ZMIZ1: variants seen among roughly 807,000 people sequenced by gnomAD.
ZMIZ1 encodes zinc finger MIZ domain-containing protein 1.
Under a neutral mutation model 113.9 loss-of-function variants are expected in ZMIZ1, and 17 were observed. The ratio of observed to expected loss-of-function variants is 0.15; its 90% confidence interval spans 0.10 to 0.22. The LOEUF is 0.22. ZMIZ1 is among the 10% of genes least tolerant of loss of function. The pLI is 1.00. For synonymous variants in ZMIZ1, 607 were observed against 603.1 expected (o/e 1.01, Z -0.09); for missense variants, 1,059 against 1,477.8 (o/e 0.72, Z 4.65).
intron 7 of ZMIZ1, among the ~76,000 whole-genome samples, chr10:79,228,731 G>T (rs1412619117): frequency 6.6e-6 from 1 of 152,226 alleles, no homozygotes; most frequent in Non-Finnish European, 1.5e-5. Context: ...CTGAGTCAGG[G>T]CCAGCTAGCT....
intron 9 of ZMIZ1, 30 bp from the exon 10 acceptor site, chr10:79,290,929 C>CTTTTT (rs758780604): frequency 1.2e-6 from 2 of 1,609,588 alleles, no homozygotes; most frequent in South Asian, 2.2e-5. Context: ...CGGGTAGCAC[C>CTTTTT]TTAGGTGACA....
At chr10:79,236,715 C>G (rs1029099812) in intron 7 of ZMIZ1, among the ~76,000 whole-genome samples, 1 of 152,214 alleles carries the variant, frequency 6.6e-6, no homozygotes, top group Admixed American at 6.5e-5. Context: ...AGCAGGGCCA[C>G]CACACACCCT....
At chr10:79,271,894 GCA>G (rs2131950455) in intron 7 of ZMIZ1, among the ~76,000 whole-genome samples, 1 of 152,290 alleles carries the variant, frequency 6.6e-6, no homozygotes, top group Admixed American at 6.5e-5. Context: ...TACAAGCAGA[GCA>G]CACACGGCGC....
chr10:79,155,538 G>A (rs1024873526), intron 3 of ZMIZ1, among the ~76,000 whole-genome samples: 3 of 152,260 alleles, frequency 2.0e-5, no homozygotes, highest in African/African-American at 7.2e-5. Context: ...CCGGAGGCCA[G>A]ACAAGCCACG....
chr10:79,210,554 G>A (rs1045962413), intron 6 of ZMIZ1, among the ~76,000 whole-genome samples: 1 of 152,220 alleles, frequency 6.6e-6, no homozygotes, highest in African/African-American at 2.4e-5. Context: ...TTGGGAGGAT[G>A]AGAGAGCAGG....
intron 1 of ZMIZ1, among the ~76,000 whole-genome samples, chr10:79,100,070 G>A (rs1843306868): frequency 6.6e-6 from 1 of 152,102 alleles, no homozygotes; most frequent in Non-Finnish European, 1.5e-5. Flanking sequence ...TGAATGCTAG[G>A]CCCTGGATGA....
At chr10:79,137,893 G>A (rs896962423) in intron 2 of ZMIZ1, among the ~76,000 whole-genome samples, 9 of 152,058 alleles carry the variant, frequency 5.9e-5, no homozygotes, top group Non-Finnish European at 8.8e-5. Flanking sequence ...AGGGCCTCTC[G>A]GCCCGGGCTC....
At position 79,208,110 on chromosome 10, in the gene ZMIZ1, G is replaced by A. The variant is rs11002866; in HGVS notation, c.61-226G>A. ...GGTGGGGGTGGAGTGGAGGTGGATC[G>A]GGGAGGTGGGGTGGAGGTGGGGGTG... On this transcript the variant is annotated intron_variant, in intron 5 of 24. Transcript: ENST00000334512. 6.2e-4 allele frequency among the ~76,000 whole-genome samples: 89 copies of A among 142,550 alleles called. 1 individual carries two copies. The highest frequency in any genetic ancestry group is 1.9e-3 in the African/African-American group (73 of 37,622). 93.5% of individuals were successfully genotyped at this position (142,550 alleles called of 152,430 possible).
chr10:79,106,904 T>G (rs1002359679), intron 1 of ZMIZ1, among the ~76,000 whole-genome samples: 2 of 152,232 alleles, frequency 1.3e-5, no homozygotes, highest in Non-Finnish European at 2.9e-5. Flanking sequence ...TTTCAGATCC[T>G]TCATCTATTG....
intron 7 of ZMIZ1, among the ~76,000 whole-genome samples, chr10:79,240,636 A>ATTTTTTTTTTTT (rs1589466733): frequency 1.3e-5 from 1 of 78,526 alleles, no homozygotes; most frequent in African/African-American, 6.7e-5. Context: ...AAGAGTATTT[A>ATTTTTTTTTTTT]TCTTTTTTTT....
At chr10:79,195,308 A>T (rs556020117) in intron 4 of ZMIZ1, among the ~76,000 whole-genome samples, 183 of 152,360 alleles carry the variant, frequency 1.2e-3, no homozygotes, top group African/African-American at 4.1e-3. Flanking sequence ...CAGGGTCCTG[A>T]TCCCCCATGC....
intron 23 of ZMIZ1, among the ~76,000 whole-genome samples, chr10:79,309,892 G>A (rs780593107): frequency 1.3e-5 from 2 of 152,234 alleles, no homozygotes; most frequent in African/African-American, 2.4e-5. Flanking sequence ...GCGAAAGTGG[G>A]GCTGGGGGCT....
intron 7 of ZMIZ1, among the ~76,000 whole-genome samples, chr10:79,260,779 G>A (rs114343992): frequency 7.5e-4 from 114 of 152,332 alleles, no homozygotes; most frequent in African/African-American, 2.6e-3. Context: ...GATTTGTGTA[G>A]TACTTATGTA....
chr10:79,292,948 C>G (rs1853603707), intron 11 of ZMIZ1: 3 of 462,466 alleles, frequency 6.5e-6, no homozygotes, highest in African/African-American at 5.9e-5. Flanking sequence ...TGTGCCTCCA[C>G]TGGCCCAGGA....
intron 7 of ZMIZ1, among the ~76,000 whole-genome samples, chr10:79,269,666 C>T (rs1851831551): frequency 6.6e-6 from 1 of 152,148 alleles, no homozygotes; most frequent in Non-Finnish European, 1.5e-5. Flanking sequence ...TCCCAGCCTC[C>T]CCCTGCACCC....
chr10:79,161,914 T>A (rs1589359951), intron 3 of ZMIZ1, 139 bp from the exon 4 acceptor site: 1 of 398,226 alleles, frequency 2.5e-6, no homozygotes, highest in African/African-American at 2.1e-5. Context: ...GGCCTGTTTA[T>A]GCCAGGGCAC....
At chr10:79,206,537 G>A (rs1484232200) in intron 5 of ZMIZ1, among the ~76,000 whole-genome samples, 1 of 152,236 alleles carries the variant, frequency 6.6e-6, no homozygotes. Flanking sequence ...AGGCAGAGGT[G>A]AGGACCCGCC....
At chr10:79,245,119 A>G (rs774944177) in intron 7 of ZMIZ1, among the ~76,000 whole-genome samples, 1 of 152,144 alleles carries the variant, frequency 6.6e-6, no homozygotes, top group South Asian at 2.1e-4. Flanking sequence ...CTAGGTCTTT[A>G]CCGGAAGCGC....
At chr10:79,281,859 A>G (rs1372679202) in intron 8 of ZMIZ1, among the ~76,000 whole-genome samples, 2 of 152,250 alleles carry the variant, frequency 1.3e-5, no homozygotes, top group South Asian at 2.1e-4. Context: ...AGAGGAAGAT[A>G]TTAAACAGCG....
Sources: allele counts gnomAD v4.1 joint callset (sites outside exome capture counted in the v4.1 genomes callset), GRCh38; gene constraint gnomAD v4.1.1; transcripts MANE v1.5; gene names NCBI Gene and HGNC (gene_info 2026-07-23, HGNC 2026-07-21).